ARSJ: variants seen among roughly 807,000 people sequenced by gnomAD.
The protein encoded by ARSJ is arylsulfatase J.
In ARSJ, 26 loss-of-function variants were observed where a neutral mutation model predicts 35.9. That is an observed-to-expected ratio of 0.72 (90% confidence interval 0.53 to 1.00). ARSJ has a LOEUF of 1.00. Among genes scored for constraint, ARSJ ranks in the 50% least tolerant of loss-of-function variants. The probability of loss-of-function intolerance (pLI) is 0.00; values close to 1 mark genes in which losing one functional copy is unlikely to be tolerated. For synonymous variants in ARSJ, 294 were observed against 267.6 expected (o/e 1.10, Z -0.96); for missense variants, 667 against 723.6 (o/e 0.92, Z 0.90).
intron 1 of ARSJ, among the ~76,000 whole-genome samples, chr4:113,946,826 T>G (rs918179786): frequency 7.9e-5 from 12 of 152,144 alleles, no homozygotes; most frequent in African/African-American, 2.7e-4. Context: ...ATTACAGCTG[T>G]TTTGTTTTTC....
At chr4:113,927,996 T>C (rs1267589130) in intron 1 of ARSJ, among the ~76,000 whole-genome samples, 1 of 152,162 alleles carries the variant, frequency 6.6e-6, no homozygotes, top group Non-Finnish European at 1.5e-5. Context: ...AGCTGCTAAG[T>C]ATGTCTATGA....
intron 1 of ARSJ, among the ~76,000 whole-genome samples, chr4:113,961,233 T>C (rs2149280581): frequency 6.6e-6 from 1 of 152,248 alleles, no homozygotes; most frequent in African/African-American, 2.4e-5. Context: ...CCTAAAGTTT[T>C]ACACTTTAAG....
intron 1 of ARSJ, among the ~76,000 whole-genome samples, chr4:113,960,062 C>T (rs1021245302): frequency 1.3e-5 from 2 of 151,880 alleles, no homozygotes; most frequent in African/African-American, 4.8e-5. Context: ...TTTTGTTTCT[C>T]ATTCAGACAG....
intron 1 of ARSJ, among the ~76,000 whole-genome samples, chr4:113,966,742 G>T (rs1726917070): frequency 6.6e-6 from 1 of 152,124 alleles, no homozygotes; most frequent in South Asian, 2.1e-4. Flanking sequence ...ATCAAACATT[G>T]GTTGCCACCC....
Position 113,903,282 on chromosome 4 carries a change from G to A in ARSJ, c.792C>T (p.Ala264=). Residue 264 remains alanine, a synonymous_variant, in exon 2 of 2, where the codon GCC becomes GCT. Coordinates refer to ENST00000315366, the MANE Select transcript of ARSJ (RefSeq NM_024590.4). Reference sequence around the variant, plus strand: ...GCAGTGGTGAATGAACAGCTTGATAGGCAATATATAAAAATATAGGCTTTG... The same window carrying A: ...GCAGTGGTGAATGAACAGCTTGATAAGCAATATATAAAAATATAGGCTTTG... ...NPTKPIFLYI[A]YQAVHSPLQA... 1 of 1,614,092 alleles carries A rather than the reference G, an allele frequency of 6.2e-7. No homozygotes were observed. Among genetic ancestry groups the A allele is most frequent in the Non-Finnish European group, 8.5e-7 (1 of 1,180,018 alleles).
intron 1 of ARSJ, among the ~76,000 whole-genome samples, chr4:113,935,928 A>G (rs985707802): frequency 6.6e-6 from 1 of 152,002 alleles, no homozygotes; most frequent in Non-Finnish European, 1.5e-5. Flanking sequence ...TCTGGTGTAC[A>G]TAATAGCTAT....
chr4:113,960,516 A>G (rs942270838), intron 1 of ARSJ, among the ~76,000 whole-genome samples: 1 of 152,070 alleles, frequency 6.6e-6, no homozygotes, highest in Non-Finnish European at 1.5e-5. Flanking sequence ...CCTCAACTTT[A>G]ATAGCTATAA....
chr4:113,949,247 G>C (rs1408846415), intron 1 of ARSJ, among the ~76,000 whole-genome samples: 3 of 152,058 alleles, frequency 2.0e-5, no homozygotes, highest in Non-Finnish European at 4.4e-5. Flanking sequence ...GATGGCGGTT[G>C]ATGGGTGCAG....
chr4:113,917,839 A>C (rs1353972538), intron 1 of ARSJ, among the ~76,000 whole-genome samples: 1 of 152,218 alleles, frequency 6.6e-6, no homozygotes, highest in Non-Finnish European at 1.5e-5. Flanking sequence ...TCCATTTCAA[A>C]GAATTTCTAT....
chr4:113,966,168 G>A lies in ARSJ; in HGVS notation c.398+12269C>T, dbSNP rs1015906511. 8.6e-5 allele frequency among the ~76,000 whole-genome samples: 13 copies of A among 151,962 alleles called. No homozygotes were observed. The South Asian group carries it at 2.3e-3, about 27-fold the overall frequency. Reference sequence around the variant, plus strand: ...ATACAGGTATGCTACCAAATTTACAGTATGTATTAATGTATTATAGCTTAA... The same window carrying A: ...ATACAGGTATGCTACCAAATTTACAATATGTATTAATGTATTATAGCTTAA... On this transcript the variant is annotated intron_variant, in intron 1 of 1. Transcript: ENST00000315366.
At chr4:113,923,125 A>C (rs1723789056) in intron 1 of ARSJ, among the ~76,000 whole-genome samples, 1 of 152,172 alleles carries the variant, frequency 6.6e-6, no homozygotes, top group East Asian at 1.9e-4. Context: ...TCCAGCCTGC[A>C]GGCCTATCCT....
At chr4:113,914,528 T>C (rs894369154) in intron 1 of ARSJ, among the ~76,000 whole-genome samples, 1 of 152,250 alleles carries the variant, frequency 6.6e-6, no homozygotes, top group African/African-American at 2.4e-5. Flanking sequence ...TGCCTTCTTT[T>C]AGCCATGGTT....
chr4:113,931,828 T>G (rs1267526625), intron 1 of ARSJ, among the ~76,000 whole-genome samples: 1 of 152,054 alleles, frequency 6.6e-6, no homozygotes, highest in East Asian at 1.9e-4. Flanking sequence ...TTTTAATACC[T>G]GAATCAAAAT....
chr4:113,959,105 A>G (rs1053253761), intron 1 of ARSJ, among the ~76,000 whole-genome samples: 3 of 152,032 alleles, frequency 2.0e-5, no homozygotes, highest in African/African-American at 7.2e-5. Context: ...TAATAACTAG[A>G]GCTGTCTGAA....
chr4:113,902,838 G>C lies in ARSJ; in HGVS notation c.1236C>G (p.Arg412=), dbSNP rs771217252. Residue 412 remains arginine, a synonymous_variant, in exon 2 of 2, where the codon CGC becomes CGG. Coordinates refer to ENST00000315366, the MANE Select transcript of ARSJ (RefSeq NM_024590.4). Reference sequence around the variant, plus strand: ...TATGCAAAATATCTACTCGGGGTGAGCGAAGACCCTCACTTATGGTCTCCC... The same window carrying C: ...TATGCAAAATATCTACTCGGGGTGACCGAAGACCCTCACTTATGGTCTCCC... The part of the protein sequence containing the change: ...DIWETISEGL[R]SPRVDILHNI... 47 of 1,614,114 alleles carry C rather than the reference G, an allele frequency of 2.9e-5. No individual in the cohort carries two copies. The highest frequency in any genetic ancestry group is 4.0e-5 in the Non-Finnish European group (47 of 1,180,026).
chr4:113,923,658 C>T (rs1723823453), intron 1 of ARSJ, among the ~76,000 whole-genome samples: 1 of 151,940 alleles, frequency 6.6e-6, no homozygotes, highest in Non-Finnish European at 1.5e-5. Flanking sequence ...ATCCTATTTG[C>T]ACTGCCATTG....
chr4:113,912,246 T>C (rs997638169), intron 1 of ARSJ, among the ~76,000 whole-genome samples: 1 of 152,150 alleles, frequency 6.6e-6, no homozygotes, highest in African/African-American at 2.4e-5. Context: ...TAAAAGAGTC[T>C]GAGGTAAATC....
intron 1 of ARSJ, among the ~76,000 whole-genome samples, chr4:113,956,422 G>A (rs4502751): frequency 0.21 from 31,135 of 151,784 alleles, 3,671 homozygotes; most frequent in Middle Eastern, 0.33. Flanking sequence ...ACTAGAAATC[G>A]GTGGGACCAC....
chr4:113,919,880 G>A (rs1337744805), intron 1 of ARSJ, among the ~76,000 whole-genome samples: 3 of 152,118 alleles, frequency 2.0e-5, no homozygotes, highest in Non-Finnish European at 2.9e-5. Flanking sequence ...GAAATGTTGG[G>A]TGTTGAAGCA....
Sources: gnomAD v4.1 joint callset for allele counts (sites outside exome capture counted in the v4.1 genomes callset) on GRCh38, gnomAD v4.1.1 for gene constraint, MANE v1.5 for transcripts, NCBI Gene and HGNC (gene_info 2026-07-23, HGNC 2026-07-21) for gene names.